The following ANKH variants were observed in gnomAD, a reference collection of about 807,000 sequenced individuals.
ANKH encodes ANKH inorganic pyrophosphate transport regulator, also known as mineralization regulator ANKH.
In ANKH, 15 loss-of-function variants were observed where a neutral mutation model predicts 49.0. The ratio of observed to expected loss-of-function variants is 0.31; its 90% CI spans 0.20 to 0.47. ANKH has a LOEUF of 0.47. Among genes scored for constraint, ANKH ranks in the 20% least tolerant of loss-of-function variants. The pLI is 1.00. For missense variants in ANKH, 429 were observed against 652.0 expected (o/e 0.66, Z 3.72); for synonymous variants, 273 against 260.0 (o/e 1.05, Z -0.48).
At position 14,734,633 on chromosome 5, in the gene ANKH, G is replaced by A. The variant is rs557820248; in HGVS notation, c.1011+7194C>T. On this transcript the variant is annotated intron_variant, in intron 8 of 11. Transcript: ENST00000284268. The stretch of plus-strand genomic sequence containing the variant: ...ACTCGGCAGGTGCAGGGATCCGTGG[G>A]GCCCAGGCTTTACTTCCTTAAGGGC... Among the ~76,000 whole-genome samples, 358 of 152,292 alleles carry A rather than the reference G, an allele frequency of 2.4e-3. 1 individual carries two copies. Among genetic ancestry groups the A allele is most frequent in the African/African-American group, 8.3e-3 (343 of 41,550 alleles).
At chr5:14,830,289 T>G (rs1209731198) in intron 1 of ANKH, among the ~76,000 whole-genome samples, 1 of 152,218 alleles carries the variant, frequency 6.6e-6, no homozygotes, top group Non-Finnish European at 1.5e-5. Context: ...AAGACACTGC[T>G]GCGGCTTGCC....
intron 6 of ANKH, 75 bp downstream of exon 6, chr5:14,749,097 A>C (rs1303412823): frequency 6.3e-7 from 1 of 1,597,342 alleles, no homozygotes; most frequent in African/African-American, 1.3e-5. Context: ...CTCGAGAAGA[A>C]CTGGAAATCA....
chr5:14,843,169 G>A (rs911402007), intron 1 of ANKH, among the ~76,000 whole-genome samples: 6 of 147,690 alleles, frequency 4.1e-5, no homozygotes, highest in African/African-American at 1.3e-4. Flanking sequence ...GAGCCACCAG[G>A]GTTCTCTTTT....
At chr5:14,754,200 G>C (rs1379109723) in intron 4 of ANKH, among the ~76,000 whole-genome samples, 4 of 152,236 alleles carry the variant, frequency 2.6e-5, no homozygotes, top group Non-Finnish European at 5.9e-5. Context: ...CCCTCAACAG[G>C]CAAGGGCCAG....
chr5:14,783,289 TACACACACACACACACACAC>T (rs57904537), intron 1 of ANKH, among the ~76,000 whole-genome samples: 2 of 144,634 alleles, frequency 1.4e-5, no homozygotes, highest in Non-Finnish European at 3.0e-5. Flanking sequence ...GCCACCATTC[TACACACACACACACACACAC>T]ACACACACAC....
intron 8 of ANKH, among the ~76,000 whole-genome samples, chr5:14,730,009 C>T (rs1023957326): frequency 3.9e-5 from 6 of 152,214 alleles, no homozygotes; most frequent in Non-Finnish European, 8.8e-5. Context: ...TGGGATGGCA[C>T]CTACTTCCCT....
chr5:14,748,340 A>C (rs571272880), intron 6 of ANKH, among the ~76,000 whole-genome samples: 10 of 152,358 alleles, frequency 6.6e-5, no homozygotes, highest in Non-Finnish European at 1.2e-4. Flanking sequence ...GGAAACTGGC[A>C]GGCACTCTGG....
intron 7 of ANKH, among the ~76,000 whole-genome samples, chr5:14,744,933 A>G (rs1738485736): frequency 6.6e-6 from 1 of 152,100 alleles, no homozygotes; most frequent in Admixed American, 6.5e-5. Flanking sequence ...CGGTGGGGGA[A>G]AGAGGGAGGG....
intron 1 of ANKH, chr5:14,788,284 C>T (rs1467914091): frequency 6.6e-6 from 1 of 152,160 alleles, no homozygotes; most frequent in East Asian, 1.9e-4. Context: ...CAGGAAACCT[C>T]CTTAACCTGC....
intron 1 of ANKH, among the ~76,000 whole-genome samples, chr5:14,772,013 T>A (rs1253223370): frequency 1.3e-5 from 2 of 150,992 alleles, no homozygotes; most frequent in African/African-American, 4.9e-5. Flanking sequence ...GTAAGATGTA[T>A]CCAGATTTCA....
At chr5:14,777,727 C>T (rs1739672789) in intron 1 of ANKH, among the ~76,000 whole-genome samples, 1 of 152,210 alleles carries the variant, frequency 6.6e-6, no homozygotes, top group Admixed American at 6.5e-5. Context: ...GGCACGGGTC[C>T]AGGTGGTAAC....
chr5:14,814,783 G>C (rs1407182764), intron 1 of ANKH, among the ~76,000 whole-genome samples: 1 of 152,178 alleles, frequency 6.6e-6, no homozygotes, highest in Non-Finnish European at 1.5e-5. Context: ...TATCTGAGGA[G>C]GGCACACTTT....
intron 1 of ANKH, chr5:14,870,055 A>AGCC (rs1424568018): frequency 1.3e-5 from 2 of 151,624 alleles, no homozygotes; most frequent in African/African-American, 2.4e-5. Flanking sequence ...GCAGGGAAGA[A>AGCC]GCCCTTGGGG....
At chr5:14,717,135 G>A (rs1196169026) in intron 8 of ANKH, 1 of 393,618 alleles carries the variant, frequency 2.5e-6, no homozygotes, top group Admixed American at 3.6e-5. Flanking sequence ...GAACCAGTGT[G>A]CTTTGGGGCA....
chr5:14,817,801 G>A (rs183197464), intron 1 of ANKH, among the ~76,000 whole-genome samples: 203 of 152,270 alleles, frequency 1.3e-3, no homozygotes, highest in Admixed American at 0.012. Flanking sequence ...CACTATAAGA[G>A]AGGGTTAACA....
chr5:14,752,968 C>T lies in ANKH; in HGVS notation c.517-1729G>A, dbSNP rs187993638. Among the ~76,000 whole-genome samples the T allele has an allele frequency of 1.8e-3, 274 of 152,250 alleles. 2 individuals carry two copies. Among genetic ancestry groups the T allele is most frequent in the African/African-American group, 5.9e-3 (247 of 41,544 alleles). ...TAGGTGAAATACACAGGAAGCTTCT[C>T]GTTGCTGTGTTAACATGGCAGACAT... On this transcript the variant is annotated intron_variant, in intron 4 of 11. Coordinates refer to ENST00000284268, the MANE Select transcript of ANKH (RefSeq NM_054027.6).
rs142868867 is a variant in ANKH at position 14,708,010 on chromosome 5, A to G, written c.*3187T>C. The G allele has an allele frequency of 1.6e-4, 24 of 152,288 alleles. No homozygotes were observed. The highest frequency in any genetic ancestry group is 7.7e-4 in the East Asian group (4 of 5,182). 9.4% of individuals were successfully genotyped at this position (152,288 alleles called of 1,614,324 possible). ...TTCCTGCCAATGTGCAAATCCGTCA[A>G]TACTCCCTGAGCCATGTGGCCGGCA... On this transcript the variant is annotated 3_prime_UTR_variant, in exon 12 of 12. Transcript: ENST00000284268.
chr5:14,855,842 G>GAAAA (rs1735222080), intron 1 of ANKH, among the ~76,000 whole-genome samples: 1 of 126,018 alleles, frequency 7.9e-6, no homozygotes. Context: ...AAAAAAAAAA[G>GAAAA]AAAAAGAAAA....
chr5:14,755,500 C>A (rs569113048), intron 4 of ANKH, among the ~76,000 whole-genome samples: 4 of 152,150 alleles, frequency 2.6e-5, no homozygotes, highest in Non-Finnish European at 4.4e-5. Flanking sequence ...TGATAGGCCA[C>A]GCAGAGGGCA....
Sources: gnomAD v4.1 joint callset for allele counts (sites outside exome capture counted in the v4.1 genomes callset) on GRCh38, gnomAD v4.1.1 for gene constraint, MANE v1.5 for transcripts, NCBI Gene and HGNC (gene_info 2026-07-23, HGNC 2026-07-21) for gene names.